SCN3A: variants seen among roughly 807,000 people sequenced by gnomAD.
The protein encoded by SCN3A is sodium channel protein type 3 subunit alpha.
SCN3A carries 60 observed loss-of-function variants against 187.6 expected under a neutral mutation model. The observed-to-expected ratio is 0.32, with a 90% confidence interval of 0.26 to 0.40. The LOEUF (loss-of-function observed/expected upper bound fraction) is 0.40. SCN3A is among the 10% of genes least tolerant of loss of function. The pLI, the probability that SCN3A is intolerant of heterozygous loss-of-function variation, is 1.00. For synonymous variants in SCN3A, 788 were observed against 829.2 expected (o/e 0.95, Z 0.85); for missense variants, 1,601 against 2,428.2 (o/e 0.66, Z 7.16).
At chr2:165,113,192 A>G (rs1392700119) in intron 20 of SCN3A, 134 bp from the exon 21 acceptor site, 3 of 705,806 alleles carry the variant, frequency 4.3e-6, no homozygotes, top group Non-Finnish European at 7.1e-6. Context: ...TGAACATCAG[A>G]CAAAATCTAA....
intron 5 of SCN3A, among the ~76,000 whole-genome samples, chr2:165,167,370 A>ATT (rs35756423): frequency 6.6e-6 from 1 of 151,194 alleles, no homozygotes; most frequent in African/African-American, 2.4e-5. Context: ...TGAAGCTACT[A>ATT]TTTTTTTTTA....
At chr2:165,198,039 G>A (rs1210133465) in intron 1 of SCN3A, among the ~76,000 whole-genome samples, 3 of 151,780 alleles carry the variant, frequency 2.0e-5, no homozygotes, top group Non-Finnish European at 2.9e-5. Context: ...GGTAAAGGAC[G>A]GCAATGTGTT....
At chr2:165,100,545 C>T in intron 21 of SCN3A, 121 bp from the exon 22 acceptor site, 1 of 931,718 alleles carries the variant, frequency 1.1e-6, no homozygotes, top group Non-Finnish European at 1.7e-6. Flanking sequence ...TGGCAACTTT[C>T]ATCTTCCACA....
intron 1 of SCN3A, among the ~76,000 whole-genome samples, chr2:165,191,060 GTTTTTTTTT>G (rs58901959): frequency 8.8e-6 from 1 of 113,506 alleles, no homozygotes; most frequent in Non-Finnish European, 1.8e-5. Flanking sequence ...ATTTTACGTT[GTTTTTTTTT>G]TTTTTTTTTC....
chr2:165,088,785 A>C lies in SCN3A; in HGVS notation c.*1365T>G, dbSNP rs151101124. ...TATATTTTTACATTATTTATATTTA[A>C]ACAAGTTTTAGACATATTTTTAGCA... On this transcript the variant is annotated 3_prime_UTR_variant, in exon 28 of 28. Transcript: ENST00000283254. 22 of 152,708 alleles carry C rather than the reference A, an allele frequency of 1.4e-4. No homozygotes were observed. Among genetic ancestry groups the C allele is most frequent in the African/African-American group, 5.3e-4 (22 of 41,590 alleles). The allele number at this position is 152,708 out of a possible 1,614,324, so 9.5% of individuals were successfully genotyped here. A position where few individuals can be genotyped will look rare whatever the true frequency, so the allele number is the denominator to read the frequency against.
At chr2:165,141,585 G>A (rs1032818986) in intron 12 of SCN3A, among the ~76,000 whole-genome samples, 1 of 152,106 alleles carries the variant, frequency 6.6e-6, no homozygotes, top group African/African-American at 2.4e-5. Context: ...GAAACTGTTT[G>A]TCTCTACCCA....
chr2:165,093,197 C>T (rs1685198539), intron 26 of SCN3A: 1 of 152,094 alleles, frequency 6.6e-6, no homozygotes. Context: ...TTAATATCAA[C>T]AGATATTTAG....
chr2:165,161,129 C>CTTTTTTTTTT (rs1689346128), intron 9 of SCN3A, among the ~76,000 whole-genome samples: 1 of 94,012 alleles, frequency 1.1e-5, no homozygotes, highest in Non-Finnish European at 2.3e-5. Flanking sequence ...TCTTTTTTTT[C>CTTTTTTTTTT]TTTCTTTCTT....
chr2:165,180,175 A>G (rs1690753028), intron 2 of SCN3A, among the ~76,000 whole-genome samples: 1 of 152,150 alleles, frequency 6.6e-6, no homozygotes, highest in African/African-American at 2.4e-5. Flanking sequence ...TCAGTATATC[A>G]TATTTGAGGA....
chr2:165,164,041 T>A, intron 6 of SCN3A: 1 of 790,056 alleles, frequency 1.3e-6, no homozygotes, highest in Non-Finnish European at 2.0e-6. Context: ...AGGTTGCTTT[T>A]AAGAAACAAA....
intron 1 of SCN3A, among the ~76,000 whole-genome samples, chr2:165,187,854 G>A (rs1416024922): frequency 6.6e-6 from 1 of 152,132 alleles, no homozygotes; most frequent in African/African-American, 2.4e-5. Flanking sequence ...CAGAAATTGA[G>A]CAATAGATTG....
chr2:165,168,897 A>G, intron 4 of SCN3A, 72 bp from the exon 5 acceptor site: 1 of 1,044,570 alleles, frequency 9.6e-7, no homozygotes, highest in Non-Finnish European at 1.5e-6. Flanking sequence ...AACACACAAA[A>G]AAGTTTATCG....
At position 165,139,450 on chromosome 2, in the gene SCN3A, T is replaced by A. The variant is rs542398614; in HGVS notation, c.2152+26A>T. 2.2e-5 allele frequency: 35 copies of A among 1,613,598 alleles called. 1 individual carries two copies. The South Asian group carries it at 3.7e-4, about 17-fold the overall frequency. On this transcript the variant is annotated intron_variant, in intron 14 of 27. Coordinates refer to ENST00000283254, the MANE Select transcript of SCN3A (RefSeq NM_006922.4). ...CACAAAGCACATAATCACAGAAAGT[T>A]GGCTGTTCCATGACCTGCTTCTTAC...
At chr2:165,193,489 C>T (rs1218412440) in intron 1 of SCN3A, among the ~76,000 whole-genome samples, 2 of 152,096 alleles carry the variant, frequency 1.3e-5, no homozygotes, top group African/African-American at 4.8e-5. Context: ...TCTGAACAAT[C>T]CTTGATCCCT....
intron 21 of SCN3A, among the ~76,000 whole-genome samples, chr2:165,105,483 C>A (rs979661394): frequency 1.3e-5 from 2 of 152,140 alleles, no homozygotes; most frequent in African/African-American, 4.8e-5. Flanking sequence ...GCCCTATTTC[C>A]TATCTGCTGA....
At chr2:165,191,912 C>T (rs1691638879) in intron 1 of SCN3A, among the ~76,000 whole-genome samples, 1 of 151,386 alleles carries the variant, frequency 6.6e-6, no homozygotes, top group Admixed American at 6.6e-5. Context: ...ATTTTGGTTT[C>T]TGAAAAATTT....
chr2:165,169,184 T>G (rs1330276479), intron 4 of SCN3A, among the ~76,000 whole-genome samples: 3 of 151,926 alleles, frequency 2.0e-5, no homozygotes, highest in Non-Finnish European at 1.5e-5. Context: ...TTCAGATATA[T>G]TCATCCTCAC....
chr2:165,147,612 A>C (rs1468524996), intron 11 of SCN3A, among the ~76,000 whole-genome samples: 1 of 152,170 alleles, frequency 6.6e-6, no homozygotes, highest in East Asian at 1.9e-4. Context: ...CATCTCTGTG[A>C]TCATGTTACT....
chr2:165,092,435 G>A lies in SCN3A; in HGVS notation c.4626C>T (p.Thr1542=), dbSNP rs1685151773. The change falls in exon 27 of 28, where the codon ACC becomes ACT. Residue 1542 remains threonine (T), a synonymous_variant. Transcript: ENST00000283254. This position sits in a 1 kb window ranked among gnomAD's most constrained non-coding sequence, Gnocchi z 4.2. ...IMILICLNMV[T]MMVETDDQGK... ...CCTGGTCATCCGTTTCCACCATCAT[G>A]GTGACCATGTTGAGGCAGATGAGGA... is the stretch of plus-strand genomic sequence containing the variant. 1 of 1,613,808 alleles carries A rather than the reference G, an allele frequency of 6.2e-7. No homozygotes were observed. The highest frequency in any genetic ancestry group is 1.3e-5 in the African/African-American group (1 of 74,888).
Sources: gnomAD v4.1 joint callset for allele counts (sites outside exome capture counted in the v4.1 genomes callset) on GRCh38, gnomAD v4.1.1 for gene constraint, Gnocchi (gnomAD v3.1) non-coding constraint, MANE v1.5 for transcripts, NCBI Gene and HGNC (gene_info 2026-07-23, HGNC 2026-07-21) for gene names.